KIAA0825: variants seen among roughly 807,000 people sequenced by gnomAD.
KIAA0825 encodes KIAA0825.
KIAA0825 carries 119 observed loss-of-function variants against 147.6 expected under a neutral mutation model. The observed-to-expected ratio is 0.81, with a 90% CI of 0.69 to 0.94. The LOEUF (loss-of-function observed/expected upper bound fraction) is 0.94, where lower values mean the gene tolerates loss of function less well. KIAA0825 is among the 40% of genes least tolerant of loss of function. KIAA0825 has a pLI of 0.00. For missense variants in KIAA0825, 1,381 were observed against 1,472.7 expected (o/e 0.94, Z 1.02); for synonymous variants, 470 against 518.1 (o/e 0.91, Z 1.26).
chr5:94,367,700 T>C (rs750264383), intron 20 of KIAA0825, among the ~76,000 whole-genome samples: 21 of 152,222 alleles, frequency 1.4e-4, no homozygotes, highest in Non-Finnish European at 2.9e-4. Flanking sequence ...ACTGCAAGTT[T>C]TGAAGTGGAA....
intron 20 of KIAA0825, among the ~76,000 whole-genome samples, chr5:94,364,412 T>C (rs903954868): frequency 6.6e-6 from 1 of 151,860 alleles, no homozygotes; most frequent in African/African-American, 2.4e-5. Flanking sequence ...GATGGAGTCT[T>C]GCTCTGTCGC....
At chr5:94,224,413 GC>G (rs1269803132) in intron 20 of KIAA0825, among the ~76,000 whole-genome samples, 2 of 151,464 alleles carry the variant, frequency 1.3e-5, no homozygotes, top group East Asian at 3.9e-4. Flanking sequence ...TGCATTTCTT[GC>G]CATGACATTA....
intron 14 of KIAA0825, among the ~76,000 whole-genome samples, chr5:94,431,323 A>T (rs1451369630): frequency 3.9e-5 from 6 of 152,216 alleles, no homozygotes; most frequent in African/African-American, 1.4e-4. Context: ...ATAAAACAGA[A>T]TTGTCATATA....
intron 20 of KIAA0825, among the ~76,000 whole-genome samples, chr5:94,318,452 C>T (rs1779862328): frequency 1.3e-5 from 2 of 151,894 alleles, no homozygotes; most frequent in Non-Finnish European, 2.9e-5. Flanking sequence ...GATAAGGCTA[C>T]TTTAGAAAAA....
rs1195577574 is a variant in KIAA0825 at position 94,233,429 on chromosome 5, A to G, written c.3711-79305T>C. Reference sequence around the variant, plus strand: ...TCCTATGAAAATAATAGATACTTAAATTTATCTCTCATTTCTTGTTTGTGT... The same window carrying G: ...TCCTATGAAAATAATAGATACTTAAGTTTATCTCTCATTTCTTGTTTGTGT... On this transcript the variant is annotated intron_variant, in intron 20 of 20. Transcript: ENST00000682413. Among the ~76,000 whole-genome samples, 3 of 152,150 alleles carry G rather than the reference A, an allele frequency of 2.0e-5. No homozygotes were observed. In the East Asian group the frequency reaches 5.8e-4, roughly 29 times the overall value.
intron 20 of KIAA0825, among the ~76,000 whole-genome samples, chr5:94,280,195 G>C (rs1345077114): frequency 6.6e-6 from 1 of 152,072 alleles, no homozygotes; most frequent in Non-Finnish European, 1.5e-5. Flanking sequence ...GGGATGATTA[G>C]TGCCTGGTGA....
At chr5:94,410,198 G>GAA (rs70978107) in intron 15 of KIAA0825, among the ~76,000 whole-genome samples, 1 of 137,128 alleles carries the variant, frequency 7.3e-6, no homozygotes, top group Non-Finnish European at 1.6e-5. Flanking sequence ...AGACACTGCA[G>GAA]AAAAAAAAAA....
At chr5:94,409,292 A>T (rs1752467264) in intron 15 of KIAA0825, among the ~76,000 whole-genome samples, 1 of 152,238 alleles carries the variant, frequency 6.6e-6, no homozygotes, top group Admixed American at 6.5e-5. Context: ...CCTGCCATGA[A>T]AGCTAGAAAA....
At chr5:94,221,327 G>A (rs1014035314) in intron 20 of KIAA0825, among the ~76,000 whole-genome samples, 1 of 152,136 alleles carries the variant, frequency 6.6e-6, no homozygotes, top group Non-Finnish European at 1.5e-5. Context: ...TTATAGACTC[G>A]AAGTAAATGA....
At chr5:94,273,336 A>C (rs1038674815) in intron 20 of KIAA0825, among the ~76,000 whole-genome samples, 2 of 152,308 alleles carry the variant, frequency 1.3e-5, no homozygotes, top group East Asian at 1.9e-4. Flanking sequence ...TAATCAAGAA[A>C]ATATAATACT....
intron 5 of KIAA0825, among the ~76,000 whole-genome samples, chr5:94,492,535 A>G (rs1442482790): frequency 1.3e-5 from 2 of 152,184 alleles, no homozygotes; most frequent in Non-Finnish European, 2.9e-5. Flanking sequence ...CTTAAACTTT[A>G]AACTCCTTAT....
chr5:94,189,004 T>C (rs1056894879), intron 20 of KIAA0825, among the ~76,000 whole-genome samples: 22 of 152,196 alleles, frequency 1.4e-4, no homozygotes, highest in Admixed American at 1.4e-3. Context: ...CTGGTAGTAA[T>C]TTACGTTTCC....
rs527811945 is a variant in KIAA0825, at chr5:94,498,710, G to A, written c.971-13780C>T. ...GGCTTCATTAATTATTTATAGGATA[G>A]CTCCTATGCGCCAGTCACAGTTTTC... On this transcript the variant is annotated intron_variant, in intron 5 of 20. Transcript: ENST00000682413. 1.9e-3 allele frequency among the ~76,000 whole-genome samples: 289 copies of A among 152,294 alleles called. 1 individual carries two copies. Among genetic ancestry groups the A allele is most frequent in the African/African-American group, 6.7e-3 (279 of 41,566 alleles).
At chr5:94,476,364 G>A (rs528292223) in intron 7 of KIAA0825, among the ~76,000 whole-genome samples, 18 of 152,286 alleles carry the variant, frequency 1.2e-4, no homozygotes, top group African/African-American at 2.9e-4. Context: ...TAGGGCTGGA[G>A]GAATTTAGAA....
intron 20 of KIAA0825, among the ~76,000 whole-genome samples, chr5:94,272,840 G>T (rs910356704): frequency 6.6e-6 from 1 of 152,158 alleles, no homozygotes; most frequent in African/African-American, 2.4e-5. Flanking sequence ...GATGCCAGGG[G>T]GATGGAATAC....
At chr5:94,370,147 T>C (rs995363909) in intron 20 of KIAA0825, among the ~76,000 whole-genome samples, 2 of 151,938 alleles carry the variant, frequency 1.3e-5, no homozygotes, top group Non-Finnish European at 2.9e-5. Flanking sequence ...TACAATGAAC[T>C]ACTATTATAC....
At chr5:94,182,546 C>T (rs1769757227) in intron 20 of KIAA0825, among the ~76,000 whole-genome samples, 1 of 151,762 alleles carries the variant, frequency 6.6e-6, no homozygotes, top group South Asian at 2.1e-4. Context: ...AGGTGAAAGC[C>T]ACCATGCCCA....
chr5:94,248,539 C>G (rs560030000), intron 20 of KIAA0825, among the ~76,000 whole-genome samples: 1 of 152,274 alleles, frequency 6.6e-6, no homozygotes, highest in South Asian at 2.1e-4. Flanking sequence ...TACTGCTCGG[C>G]CTTGGGTCAC....
intron 13 of KIAA0825, among the ~76,000 whole-genome samples, chr5:94,444,371 T>A (rs1757478343): frequency 6.6e-6 from 1 of 152,134 alleles, no homozygotes; most frequent in South Asian, 2.1e-4. Flanking sequence ...TAACCCTACT[T>A]ATCATGAGGA....
Sources: allele counts gnomAD v4.1 joint callset (sites outside exome capture counted in the v4.1 genomes callset), GRCh38; gene constraint gnomAD v4.1.1; transcripts MANE v1.5; gene names NCBI Gene and HGNC (gene_info 2026-07-23, HGNC 2026-07-21).